Variants in ZNF726 observed in about 807,000 individuals in gnomAD.
The protein encoded by ZNF726 is zinc finger protein 92 pseudogene 3.
A neutral mutation model predicts 11.6 loss-of-function variants in ZNF726; 15 were observed. That is an observed-to-expected ratio of 1.29 (90% confidence interval 0.86 to 1.99). The LOEUF (loss-of-function observed/expected upper bound fraction) is 1.99, where lower values mean the gene tolerates loss of function less well. Among genes scored for constraint, ZNF726 ranks in the 30% most tolerant of loss-of-function variants. ZNF726 has a pLI of 0.00. For missense variants in ZNF726, 890 were observed against 725.6 expected, an observed-to-expected ratio of 1.23 and a Z score of -2.60; for synonymous variants, 295 against 243.6, an observed-to-expected ratio of 1.21 and a Z score of -1.96.
chr19:23,931,550 T>G (rs1356590610), intron 3 of ZNF726, among the ~76,000 whole-genome samples: 1 of 152,212 alleles, frequency 6.6e-6, no homozygotes, highest in East Asian at 1.9e-4. Context: ...GGGATGATAC[T>G]GCTATATTTT....
chr19:23,929,733 A>AG (rs1449651867), intron 3 of ZNF726, among the ~76,000 whole-genome samples: 2 of 152,048 alleles, frequency 1.3e-5, no homozygotes, highest in Non-Finnish European at 2.9e-5. Context: ...ATACCTCTAT[A>AG]TTTTTCAGTT....
At chr19:23,923,805 T>C (rs1343841827) in intron 3 of ZNF726, 1 of 152,798 alleles carries the variant, frequency 6.5e-6, no homozygotes, top group East Asian at 1.9e-4. Context: ...AACATTTCTG[T>C]TATTGTGTTG....
downstream of ZNF726, chr19:23,935,900 A>C (rs1309242013): frequency 6.5e-6 from 1 of 152,702 alleles, no homozygotes; most frequent in East Asian, 1.9e-4. Context: ...AGATCAGAAA[A>C]TATGTCTTTA....
At chr19:23,939,882 T>TTTTTTTTTTTTTTTC (rs1968310143) in intron 3 of ZNF726, among the ~76,000 whole-genome samples, 2 of 149,552 alleles carry the variant, frequency 1.3e-5, no homozygotes, top group African/African-American at 4.9e-5. Context: ...TTTTTTTTTT[T>TTTTTTTTTTTTTTTC]CTGACTGATT....
At chr19:23,943,948 C>T (rs1043656863) in intron 4 of ZNF726, 3 of 159,348 alleles carry the variant, frequency 1.9e-5, no homozygotes, top group Non-Finnish European at 4.1e-5. Context: ...CAAATTTTCC[C>T]ATCATGTCTG....
intron 3 of ZNF726, among the ~76,000 whole-genome samples, chr19:23,940,784 C>T (rs531626559): frequency 1.3e-5 from 2 of 152,002 alleles, no homozygotes; most frequent in Non-Finnish European, 2.9e-5. Flanking sequence ...GATTATTTCT[C>T]CATTTGGTTG....
chr19:23,939,441 T>G (rs931144217), downstream of ZNF726, among the ~76,000 whole-genome samples: 2 of 152,208 alleles, frequency 1.3e-5, no homozygotes, highest in African/African-American at 2.4e-5. Flanking sequence ...TGTTCAAGTT[T>G]CTTTTTCAAA....
intron 3 of ZNF726, among the ~76,000 whole-genome samples, chr19:23,930,825 A>G (rs982817601): frequency 6.6e-6 from 1 of 152,140 alleles, no homozygotes; most frequent in Non-Finnish European, 1.5e-5. Flanking sequence ...TTGCTTGTCT[A>G]AAAAACACGA....
chr19:23,944,114 G>T (rs1362215723), intron 4 of ZNF726: 4 of 152,088 alleles, frequency 2.6e-5, no homozygotes, highest in Non-Finnish European at 5.9e-5. Context: ...GTTGCCTGTT[G>T]TTAGGTGATA....
At chr19:23,934,575 A>AT, downstream of ZNF726, 1 of 352,194 alleles carries the variant, frequency 2.8e-6, no homozygotes, top group South Asian at 2.3e-5. Context: ...AGAATCAAGA[A>AT]GGGTGTACAG....
chr19:23,928,841 A>C (rs1243073261), intron 3 of ZNF726: 4 of 152,162 alleles, frequency 2.6e-5, no homozygotes, highest in Non-Finnish European at 4.4e-5. Context: ...TCTGTCAACC[A>C]GGCTGGTTTG....
downstream of ZNF726, chr19:23,935,457 T>C (rs1448288232): frequency 7.8e-6 from 4 of 512,088 alleles, no homozygotes; most frequent in East Asian, 5.5e-5. Flanking sequence ...TGGAGAGAAA[T>C]CTTACAAGTG....
chr19:23,940,565 G>A (rs1458730975), intron 3 of ZNF726, among the ~76,000 whole-genome samples: 1 of 151,458 alleles, frequency 6.6e-6, no homozygotes, highest in African/African-American at 2.4e-5. Context: ...TGTGGAATTT[G>A]TAGATTGCTT....
intron 3 of ZNF726, among the ~76,000 whole-genome samples, chr19:23,927,390 T>C (rs1397388723): frequency 6.6e-6 from 1 of 152,224 alleles, no homozygotes; most frequent in African/African-American, 2.4e-5. Flanking sequence ...TATTTTTATA[T>C]TGTTCAGTTT....
chr19:23,933,256 G>T lies in ZNF726; in HGVS notation c.1140G>T (p.Trp380Cys), dbSNP rs1169127424. The T allele has an allele frequency of 1.9e-6, 3 of 1,608,870 alleles. No individual in the cohort carries two copies. Among genetic ancestry groups the T allele is most frequent in the Non-Finnish European group, 1.7e-6 (2 of 1,178,654 alleles). Residue 380 changes from tryptophan to cysteine, a missense_variant, in exon 4 of 4, where the codon TGG becomes TGT. Transcript: ENST00000594466. Reference sequence around the variant, plus strand: ...AAGAATGTGGCAAAGCATTTATATGGCCCTCAACCCTAACTAAACATAAGA... The same window carrying T: ...AAGAATGTGGCAAAGCATTTATATGTCCCTCAACCCTAACTAAACATAAGA... ...KCEECGKAFI[W>C]PSTLTKHKRI...
At chr19:23,942,374 C>T (rs1968351603) in intron 3 of ZNF726, among the ~76,000 whole-genome samples, 1 of 152,128 alleles carries the variant, frequency 6.6e-6, no homozygotes, top group Admixed American at 6.5e-5. Context: ...CGTTTTATGG[C>T]CTATCATATG....
At chr19:23,917,339 C>A (rs1165809331) in intron 1 of ZNF726, among the ~76,000 whole-genome samples, 4 of 152,162 alleles carry the variant, frequency 2.6e-5, no homozygotes, top group African/African-American at 4.8e-5. Context: ...AGGTGAGTTT[C>A]AAAAATTAAT....
At chr19:23,915,217 C>T (rs1299393403) in intron 1 of ZNF726, among the ~76,000 whole-genome samples, 2 of 152,118 alleles carry the variant, frequency 1.3e-5, no homozygotes, top group African/African-American at 2.4e-5. Context: ...GTGACTGTGC[C>T]CTGGCCTGGA....
At chr19:23,935,655 G>T, downstream of ZNF726, 1 of 304,076 alleles carries the variant, frequency 3.3e-6, no homozygotes, top group Non-Finnish European at 6.5e-6. Context: ...GCCTTTAAAT[G>T]ATTGTTGCAC....
Sources: allele counts gnomAD v4.1 joint callset (sites outside exome capture counted in the v4.1 genomes callset), GRCh38; gene constraint gnomAD v4.1.1; transcripts MANE v1.5; gene names NCBI Gene and HGNC (gene_info 2026-07-23, HGNC 2026-07-21).